PTGES3L: variants seen among roughly 807,000 people sequenced by gnomAD.
PTGES3L encodes prostaglandin E synthase 3 like.
Under a neutral mutation model 25.0 loss-of-function variants are expected in PTGES3L, and 17 were observed. The ratio of observed to expected loss-of-function variants is 0.68; its 90% CI spans 0.47 to 1.02. PTGES3L has a LOEUF of 1.02. Ranked by LOEUF, PTGES3L falls within the 50% of genes least tolerant of loss-of-function variation. The pLI, the probability that PTGES3L is intolerant of heterozygous loss-of-function variation, is 0.00. For missense variants in PTGES3L, 202 were observed against 197.5 expected, an observed-to-expected ratio of 1.02 and a Z score of -0.14; for synonymous variants, 59 against 65.7, an observed-to-expected ratio of 0.90 and a Z score of 0.50.
At chr17:42,972,457 C>G (rs1197206586) in intron 4 of PTGES3L, among the ~76,000 whole-genome samples, 3 of 151,682 alleles carry the variant, frequency 2.0e-5, no homozygotes, top group East Asian at 3.9e-4. Context: ...CTCAGCCTGC[C>G]GAGTGCCTGC....
Position 42,969,150 on chromosome 17 carries a change from A to G in PTGES3L, c.469T>C (p.Ter157GlnextTer21). 3 of 1,542,268 alleles carry G rather than the reference A, an allele frequency of 1.9e-6. No homozygotes were observed. The highest frequency in any genetic ancestry group is 1.2e-5 in the South Asian group (1 of 83,854). Residue 157 changes from the stop codon to glutamine, a stop_lost, in exon 7 of 7, where the codon TAA becomes CAA. Coordinates refer to ENST00000591916, the MANE Select transcript of PTGES3L (RefSeq NM_001261430.2). ...SDSADDATSN[*>Q] Reference sequence around the variant, plus strand: ...TCCCAGCTTTGCGTCACAGAAAGTTAATTACTTGTTGCATCATCAGCACTG... The same window carrying G: ...TCCCAGCTTTGCGTCACAGAAAGTTGATTACTTGTTGCATCATCAGCACTG...
chr17:42,971,657 A>C lies in PTGES3L; in HGVS notation c.328T>G (p.Trp110Gly), dbSNP rs2049838905. The C allele has an allele frequency of 6.2e-7, 1 of 1,614,040 alleles. No homozygotes were observed. The highest frequency in any genetic ancestry group is 8.5e-7 in the Non-Finnish European group (1 of 1,179,982). Residue 110 changes from tryptophan (W) to glycine (G), a missense_variant, in exon 5 of 7, where the codon TGG becomes GGG. Coordinates refer to ENST00000591916, the MANE Select transcript of PTGES3L (RefSeq NM_001261430.2). Reference protein sequence around the residue: ...LSVDFDNWRDWEGDEEMELAH... With the variant: ...LSVDFDNWRDGEGDEEMELAH... The stretch of plus-strand genomic sequence containing the variant: ...AGCTCCATCTCTTCATCCCCTTCCC[A>C]GTCTCTCCAGTTATCAAAGTCCACA...
chr17:42,979,262 G>A lies in PTGES3L; in HGVS notation c.196C>T (p.Gln66Ter), dbSNP rs757430914. The change falls in exon 4 of 7, where the codon CAG (glutamine) becomes TAG (stop). Residue 66 changes from glutamine (Q) to a stop codon, truncating the protein, a stop_gained. Transcript: ENST00000591916. LOFTEE classifies it high-confidence loss of function. ...FYAKVNSKDS[Q>*]DKRSSRSITC... ...ATAGAGCGGGAAGAGCGCTTATCCTGGGAGTCCTGCCAGATAGAGAGCCTC... is the reference window on the plus strand; with the variant it reads ...ATAGAGCGGGAAGAGCGCTTATCCTAGGAGTCCTGCCAGATAGAGAGCCTC... 1 of 1,614,098 alleles carries A rather than the reference G, an allele frequency of 6.2e-7. No individual in the cohort carries two copies. Among genetic ancestry groups the A allele is most frequent in the Non-Finnish European group, 8.5e-7 (1 of 1,180,014 alleles).
chr17:42,975,699 CAG>C (rs1360131989), intron 4 of PTGES3L, among the ~76,000 whole-genome samples: 1 of 152,068 alleles, frequency 6.6e-6, no homozygotes, highest in Non-Finnish European at 1.5e-5. Flanking sequence ...CTTTCTGAGA[CAG>C]AGTCTCACTC....
chr17:42,979,825 T>G, intron 1 of PTGES3L, 162 bp from the exon 2 acceptor site: 1 of 1,406,752 alleles, frequency 7.1e-7, no homozygotes. Flanking sequence ...AGTGGGTGGG[T>G]GTGGTGAATG....
intron 4 of PTGES3L, 51 bp from the exon 5 acceptor site, chr17:42,971,747 T>A: frequency 1.9e-6 from 3 of 1,602,694 alleles, no homozygotes; most frequent in Non-Finnish European, 2.6e-6. Flanking sequence ...GGAGCAGGAG[T>A]GTGTGGGAGA....
intron 4 of PTGES3L, among the ~76,000 whole-genome samples, chr17:42,977,934 T>C (rs2670870): frequency 0.98 from 149,026 of 151,836 alleles, 73,198 homozygotes; most frequent in Middle Eastern, 1. Flanking sequence ...CAAAATTAGC[T>C]GGGTGTGGTG....
rs766291122 is a variant in PTGES3L, at chr17:42,971,622, C to T, written c.363G>A (p.Val121=). 1.1e-5 allele frequency: 18 copies of T among 1,613,914 alleles called. No individual in the cohort carries two copies. The South Asian group carries it at 1.5e-4, about 14-fold the overall frequency. Residue 121 remains valine (V), a synonymous_variant, in exon 5 of 7, where the codon GTG becomes GTA. Transcript: ENST00000591916. ...TGTCTCTCACCTCTGCATAATGTTCCACATGAGCCAGCTCCATCTCTTCAT... is the reference window on the plus strand; with the variant it reads ...TGTCTCTCACCTCTGCATAATGTTCTACATGAGCCAGCTCCATCTCTTCAT... ...EGDEEMELAH[V]EHYAELLKKV...
chr17:42,972,747 G>A (rs1230971181), intron 4 of PTGES3L, among the ~76,000 whole-genome samples: 7 of 150,870 alleles, frequency 4.6e-5, no homozygotes, highest in Non-Finnish European at 1.0e-4. Context: ...CCGCCACCCC[G>A]TCTGGGAAGT....
intron 1 of PTGES3L, 142 bp downstream of exon 1, chr17:42,979,904 C>T (rs2050044151): frequency 2.8e-6 from 4 of 1,445,966 alleles, no homozygotes; most frequent in Non-Finnish European, 3.6e-6. Context: ...TCAGGTCACA[C>T]CTTCCCTCAC....
intron 5 of PTGES3L, 31 bp from the exon 6 acceptor site, chr17:42,970,373 G>A (rs768423423): frequency 4.3e-5 from 69 of 1,612,630 alleles, no homozygotes; most frequent in Non-Finnish European, 4.9e-5. Context: ...TCACAAGGGA[G>A]AAGGGAGTGA....
chr17:42,976,659 C>T (rs1319935101), intron 4 of PTGES3L, among the ~76,000 whole-genome samples: 3 of 152,114 alleles, frequency 2.0e-5, no homozygotes, highest in South Asian at 4.1e-4. Context: ...GGATTACAGG[C>T]GTGAGCCACC....
Position 42,969,200 on chromosome 17 carries a change from GGAAAA to G in PTGES3L, c.433-19_433-15del, listed in dbSNP as rs2049788559. 7.3e-7 allele frequency: 1 copy of G among 1,376,518 alleles called. No individual in the cohort carries two copies. The highest frequency in any genetic ancestry group is 2.0e-5 in the African/African-American group (1 of 50,802). The allele number at this position is 1,376,518 out of a possible 1,614,324, so 85.3% of individuals were successfully genotyped here. ...GTCAGAATCATCCTGGGGGCGGGGG[GGAAAA>G]AAGACAAAGCACCTGTAGACCCTGC... On this transcript the variant is annotated splice_polypyrimidine_tract_variant and intron_variant, in intron 6 of 6. Transcript: ENST00000591916.
chr17:42,973,284 G>A (rs1597738390), intron 4 of PTGES3L, among the ~76,000 whole-genome samples: 2 of 135,706 alleles, frequency 1.5e-5, no homozygotes, highest in Admixed American at 7.5e-5. Flanking sequence ...CCGTCCGGGA[G>A]GTGAGGGGCG....
intron 4 of PTGES3L, among the ~76,000 whole-genome samples, chr17:42,978,393 G>A (rs118191940): frequency 6.6e-6 from 1 of 152,240 alleles, no homozygotes; most frequent in East Asian, 1.9e-4. Context: ...TGCTACGGGA[G>A]TGAGAATCCA....
At chr17:42,978,962 T>C (rs1018387957) in intron 4 of PTGES3L, among the ~76,000 whole-genome samples, 3 of 152,136 alleles carry the variant, frequency 2.0e-5, no homozygotes, top group African/African-American at 7.2e-5. Flanking sequence ...ATCACGCCAC[T>C]GCACTCCAGC....
intron 4 of PTGES3L, 23 bp from the exon 5 acceptor site, chr17:42,971,719 TCA>T (rs777680186): frequency 2.2e-5 from 36 of 1,613,040 alleles, no homozygotes; most frequent in Non-Finnish European, 2.9e-5. Flanking sequence ...GCACCAAGAG[TCA>T]CAGGCCAGGA....
At chr17:42,979,308 A>G in intron 3 of PTGES3L, 40 bp from the exon 4 acceptor site, 1 of 1,614,084 alleles carries the variant, frequency 6.2e-7, no homozygotes, top group African/African-American at 1.3e-5. Context: ...TCTGGGGTTT[A>G]GAATTAATCT....
At chr17:42,976,773 G>A (rs1251211434) in intron 4 of PTGES3L, among the ~76,000 whole-genome samples, 3 of 152,164 alleles carry the variant, frequency 2.0e-5, no homozygotes, top group African/African-American at 4.8e-5. Flanking sequence ...AGGAGGAGAC[G>A]ACTTTGGAGG....
Sources: allele counts gnomAD v4.1 joint callset (sites outside exome capture counted in the v4.1 genomes callset), GRCh38; gene constraint gnomAD v4.1.1; transcripts MANE v1.5; gene names NCBI Gene and HGNC (gene_info 2026-07-23, HGNC 2026-07-21).